The following DNAJC1 variants were observed in gnomAD, a reference collection of about 807,000 sequenced individuals.
DNAJC1 encodes DnaJ heat shock protein family (Hsp40) member C1, also known as dnaJ homolog subfamily C member 1.
DNAJC1 carries 58 observed loss-of-function variants against 76.6 expected under a neutral mutation model. The ratio of observed to expected loss-of-function variants is 0.76; its 90% CI spans 0.61 to 0.94. The LOEUF (loss-of-function observed/expected upper bound fraction) is 0.94. DNAJC1 is among the 40% of genes least tolerant of loss of function. The pLI is 0.00. For missense variants in DNAJC1, 689 were observed against 677.3 expected (o/e 1.02, Z -0.19); for synonymous variants, 258 against 267.9 (o/e 0.96, Z 0.36).
intron 8 of DNAJC1, among the ~76,000 whole-genome samples, chr10:21,808,599 A>G (rs1367932011): frequency 1.3e-5 from 2 of 152,152 alleles, no homozygotes; most frequent in Non-Finnish European, 2.9e-5. Flanking sequence ...CACTTTGGTG[A>G]ATGTGTAATT....
chr10:21,870,695 A>G (rs911180753), intron 8 of DNAJC1, among the ~76,000 whole-genome samples: 3 of 152,066 alleles, frequency 2.0e-5, no homozygotes, highest in African/African-American at 7.3e-5. Context: ...GGATTGCTTG[A>G]GCCTGGGAGT....
chr10:21,771,882 T>C (rs1444505599), intron 9 of DNAJC1, among the ~76,000 whole-genome samples: 1 of 152,234 alleles, frequency 6.6e-6, no homozygotes, highest in Non-Finnish European at 1.5e-5. Flanking sequence ...CTTGAGATGT[T>C]TAACCAACCT....
chr10:21,969,745 G>A (rs1837949802), intron 1 of DNAJC1, among the ~76,000 whole-genome samples: 1 of 152,092 alleles, frequency 6.6e-6, no homozygotes, highest in South Asian at 2.1e-4. Context: ...ATGAATAGCA[G>A]GAACAGTGAT....
intron 9 of DNAJC1, among the ~76,000 whole-genome samples, chr10:21,788,757 C>T (rs1834644336): frequency 6.6e-6 from 1 of 152,186 alleles, no homozygotes; most frequent in South Asian, 2.1e-4. Context: ...CTGGTTCAAG[C>T]TCCTGAATCA....
At chr10:21,826,709 C>G (rs1358175998) in intron 8 of DNAJC1, among the ~76,000 whole-genome samples, 1 of 152,126 alleles carries the variant, frequency 6.6e-6, no homozygotes, top group Non-Finnish European at 1.5e-5. Flanking sequence ...CAATTTCACT[C>G]TTTTGTAAGA....
rs983195422 is a variant in DNAJC1 at position 21,773,168 on chromosome 10, T to G, written c.1099-6859A>C. ...GCCCTGCTTTTTGTTATTTTCTTTT[T>G]TCTGTGTGCTTTAGGTATAGTTTGT... On this transcript the variant is annotated intron_variant, in intron 9 of 11. Transcript: ENST00000376980. 3.3e-5 allele frequency among the ~76,000 whole-genome samples: 5 copies of G among 152,340 alleles called. No homozygotes were observed. In the South Asian group the frequency reaches 8.3e-4, roughly 25 times the overall value.
intron 9 of DNAJC1, among the ~76,000 whole-genome samples, chr10:21,769,678 T>C (rs1834350853): frequency 6.6e-6 from 1 of 151,952 alleles, no homozygotes; most frequent in African/African-American, 2.4e-5. Flanking sequence ...AACTCATCAG[T>C]TTTTCTTTTC....
At chr10:21,897,897 A>G (rs1254937267) in intron 7 of DNAJC1, among the ~76,000 whole-genome samples, 1 of 152,242 alleles carries the variant, frequency 6.6e-6, no homozygotes, top group Non-Finnish European at 1.5e-5. Context: ...AAAAGGAAAT[A>G]AAATGCATAG....
intron 6 of DNAJC1, among the ~76,000 whole-genome samples, chr10:21,911,160 G>A (rs1161245160): frequency 6.6e-6 from 1 of 152,026 alleles, no homozygotes; most frequent in Non-Finnish European, 1.5e-5. Flanking sequence ...AATACCACCT[G>A]TCCTGATGGG....
chr10:21,981,557 T>C (rs1838158647), intron 1 of DNAJC1, among the ~76,000 whole-genome samples: 1 of 152,148 alleles, frequency 6.6e-6, no homozygotes, highest in African/African-American at 2.4e-5. Context: ...GCTCCACAAG[T>C]TGTTAGTTTT....
chr10:21,966,544 T>C (rs1015174032), intron 1 of DNAJC1, among the ~76,000 whole-genome samples: 3 of 152,096 alleles, frequency 2.0e-5, no homozygotes, highest in Non-Finnish European at 4.4e-5. Flanking sequence ...TATGTAGGTA[T>C]AAATTCATGG....
intron 9 of DNAJC1, among the ~76,000 whole-genome samples, chr10:21,772,229 T>C (rs995703265): frequency 6.6e-6 from 1 of 151,466 alleles, no homozygotes; most frequent in African/African-American, 2.4e-5. Flanking sequence ...ATCAAGGTAA[T>C]ACTGCCATCA....
Position 22,003,690 on chromosome 10 carries a change from C to CA in DNAJC1, c.-257dup, listed in dbSNP as rs1338869723. The stretch of plus-strand genomic sequence containing the variant: ...GAAGACCCTCGCCCCCAGGCCTACA[C>CA]ACAGCTGTAGAGGCAGCGCCCGGCG... On this transcript the variant is annotated 5_prime_UTR_variant, in exon 1 of 12. Transcript: ENST00000376980. 1 of 387,238 alleles carries CA rather than the reference C, an allele frequency of 2.6e-6. No individual in the cohort carries two copies. The highest frequency in any genetic ancestry group is 2.1e-5 in the African/African-American group (1 of 47,432). The allele number at this position is 387,238 out of a possible 1,614,324, so 24.0% of individuals were successfully genotyped here. A position where few individuals can be genotyped will look rare whatever the true frequency, so the allele number is the denominator to read the frequency against.
intron 8 of DNAJC1, among the ~76,000 whole-genome samples, chr10:21,808,888 A>G (rs1173667939): frequency 6.6e-6 from 1 of 152,242 alleles, no homozygotes; most frequent in East Asian, 1.9e-4. Flanking sequence ...TGACTATACA[A>G]GCACTCCAAT....
At chr10:21,887,735 C>G (rs991750442) in intron 7 of DNAJC1, among the ~76,000 whole-genome samples, 11 of 152,064 alleles carry the variant, frequency 7.2e-5, no homozygotes, top group Admixed American at 3.3e-4. Flanking sequence ...CAAAAATCAA[C>G]TAAAGATGGA....
At chr10:21,951,667 C>CCCA (rs1403132297) in intron 1 of DNAJC1, among the ~76,000 whole-genome samples, 1 of 152,090 alleles carries the variant, frequency 6.6e-6, no homozygotes, top group Non-Finnish European at 1.5e-5. Flanking sequence ...TTACCCATAA[C>CCCA]TATTTTAAAT....
intron 9 of DNAJC1, among the ~76,000 whole-genome samples, chr10:21,805,652 C>G (rs1225398219): frequency 6.6e-6 from 1 of 152,076 alleles, no homozygotes; most frequent in Non-Finnish European, 1.5e-5. Context: ...AAATACAACC[C>G]TCCTAATTCT....
At chr10:21,837,939 C>A (rs1590005664) in intron 8 of DNAJC1, among the ~76,000 whole-genome samples, 2 of 141,840 alleles carry the variant, frequency 1.4e-5, no homozygotes, top group South Asian at 4.5e-4. Context: ...CCCGCCCGGC[C>A]AGCCGCCCCG....
chr10:21,887,148 A>G (rs1836380332), intron 7 of DNAJC1, among the ~76,000 whole-genome samples: 1 of 152,172 alleles, frequency 6.6e-6, no homozygotes, highest in Non-Finnish European at 1.5e-5. Flanking sequence ...AACTGCCGCA[A>G]AAAGAATAAA....
Sources: allele counts gnomAD v4.1 joint callset (sites outside exome capture counted in the v4.1 genomes callset), GRCh38; gene constraint gnomAD v4.1.1; transcripts MANE v1.5; gene names NCBI Gene and HGNC (gene_info 2026-07-23, HGNC 2026-07-21).